The following NDUFAF2 variants were observed in gnomAD, a reference collection of about 807,000 sequenced individuals.
The protein encoded by NDUFAF2 is NADH:ubiquinone oxidoreductase complex assembly factor 2.
NDUFAF2 carries 13 observed loss-of-function variants against 22.8 expected under a neutral mutation model. The observed-to-expected ratio is 0.57, with a 90% CI of 0.37 to 0.91. The LOEUF is 0.91. NDUFAF2 is among the 40% of genes least tolerant of loss of function. NDUFAF2 has a pLI of 0.01. For missense variants in NDUFAF2, 162 were observed against 195.2 expected (o/e 0.83, Z 1.01); for synonymous variants, 53 against 64.2 (o/e 0.83, Z 0.84).
At chr5:61,026,254 G>T (rs1361103051) in intron 1 of NDUFAF2, among the ~76,000 whole-genome samples, 1 of 151,884 alleles carries the variant, frequency 6.6e-6, no homozygotes, top group African/African-American at 2.4e-5. Context: ...AGGGGAGGAG[G>T]GGGGAGAAAT....
chr5:61,027,215 G>C (rs1490656509), intron 1 of NDUFAF2, among the ~76,000 whole-genome samples: 1 of 151,078 alleles, frequency 6.6e-6, no homozygotes, highest in Non-Finnish European at 1.5e-5. Flanking sequence ...AATTATATTT[G>C]AGACCATCTA....
chr5:61,001,081 A>G (rs1050423883), intron 1 of NDUFAF2, among the ~76,000 whole-genome samples: 13 of 152,026 alleles, frequency 8.6e-5, no homozygotes, highest in African/African-American at 1.9e-4. Flanking sequence ...ATATGATACT[A>G]TTCCTGAAGG....
intron 1 of NDUFAF2, among the ~76,000 whole-genome samples, chr5:61,035,424 GTT>G (rs768889484): frequency 7.9e-4 from 32 of 40,522 alleles, no homozygotes; most frequent in South Asian, 2.0e-3. Context: ...CTCTTGCTCT[GTT>G]TTTTTTTTTT....
At chr5:61,095,615 T>G (rs1162001940) in intron 2 of NDUFAF2, among the ~76,000 whole-genome samples, 1 of 152,190 alleles carries the variant, frequency 6.6e-6, no homozygotes, top group East Asian at 1.9e-4. Context: ...GAGCTGCGCC[T>G]CTGTGCGTGC....
At chr5:61,121,535 G>A (rs1207266189) in intron 3 of NDUFAF2, among the ~76,000 whole-genome samples, 2 of 152,140 alleles carry the variant, frequency 1.3e-5, no homozygotes, top group Non-Finnish European at 2.9e-5. Context: ...TGTTTTGTTT[G>A]TGAAGTTGTG....
At chr5:61,044,394 G>C (rs1561549797) in intron 1 of NDUFAF2, among the ~76,000 whole-genome samples, 1 of 151,952 alleles carries the variant, frequency 6.6e-6, no homozygotes, top group African/African-American at 2.4e-5. Flanking sequence ...TTTATTTCCT[G>C]TGCTTTTGGT....
chr5:61,003,348 T>A lies in NDUFAF2; in HGVS notation c.127+57966T>A, dbSNP rs62367883. Among the ~76,000 whole-genome samples the A allele has an allele frequency of 2.6e-3, 400 of 152,264 alleles. 1 individual carries two copies. The highest frequency in any genetic ancestry group is 5.0e-3 in the Non-Finnish European group (337 of 68,004). On this transcript the variant is annotated intron_variant, in intron 1 of 3. Transcript: ENST00000296597. ...AGAATATTGTCTCAAGTTTTGTTGC[T>A]GAAATGGCAAAAATGTTTCTTTTTT...
chr5:61,078,868 A>C (rs1321272536), intron 2 of NDUFAF2, among the ~76,000 whole-genome samples: 1 of 152,194 alleles, frequency 6.6e-6, no homozygotes, highest in Admixed American at 6.5e-5. Flanking sequence ...CATTATTTGT[A>C]GTTCTTATGT....
chr5:61,093,053 T>A (rs931270610), intron 2 of NDUFAF2, among the ~76,000 whole-genome samples: 20 of 152,156 alleles, frequency 1.3e-4, no homozygotes, highest in Non-Finnish European at 2.5e-4. Flanking sequence ...TTCAAGAATC[T>A]AAAAACTGAA....
chr5:61,059,317 T>G (rs972549282), intron 1 of NDUFAF2, among the ~76,000 whole-genome samples: 1 of 152,128 alleles, frequency 6.6e-6, no homozygotes, highest in Non-Finnish European at 1.5e-5. Flanking sequence ...AATAAGAGTT[T>G]ATTGTCCTTG....
chr5:60,965,263 A>C (rs1750739594), intron 1 of NDUFAF2, among the ~76,000 whole-genome samples: 1 of 152,182 alleles, frequency 6.6e-6, no homozygotes, highest in African/African-American at 2.4e-5. Flanking sequence ...TAATTGACAA[A>C]AATTGTATAT....
At chr5:60,985,883 T>C (rs1318117186) in intron 1 of NDUFAF2, among the ~76,000 whole-genome samples, 1 of 152,104 alleles carries the variant, frequency 6.6e-6, no homozygotes, top group Non-Finnish European at 1.5e-5. Context: ...AGATGAGATT[T>C]GGGTGGGGAC....
intron 2 of NDUFAF2, chr5:61,083,173 T>C (rs1344418926): frequency 1.3e-5 from 2 of 152,042 alleles, no homozygotes; most frequent in Non-Finnish European, 2.9e-5. Flanking sequence ...GTATATCTTT[T>C]GAGAAGTGTT....
chr5:61,150,439 T>G (rs182899112), intron 3 of NDUFAF2, among the ~76,000 whole-genome samples: 10 of 152,188 alleles, frequency 6.6e-5, no homozygotes, highest in African/African-American at 2.2e-4. Context: ...ATAATTAATA[T>G]ATTCAGATTG....
chr5:61,069,148 ACT>A (rs911211471), intron 1 of NDUFAF2, among the ~76,000 whole-genome samples: 1 of 140,826 alleles, frequency 7.1e-6, no homozygotes, highest in Non-Finnish European at 1.5e-5. Flanking sequence ...TTTTTTCCTG[ACT>A]CTGGAAATCT....
chr5:61,082,473 A>G (rs1237347100), intron 2 of NDUFAF2, among the ~76,000 whole-genome samples: 1 of 152,058 alleles, frequency 6.6e-6, no homozygotes, highest in African/African-American at 2.4e-5. Flanking sequence ...TCTTACATGG[A>G]TATATTGCAT....
chr5:60,985,076 G>C (rs1173788158), intron 1 of NDUFAF2, among the ~76,000 whole-genome samples: 1 of 152,210 alleles, frequency 6.6e-6, no homozygotes, highest in African/African-American at 2.4e-5. Flanking sequence ...TTCAGAGCCT[G>C]TTATTGGTCT....
intron 1 of NDUFAF2, among the ~76,000 whole-genome samples, chr5:60,965,702 T>A (rs2112570026): frequency 6.6e-6 from 1 of 152,338 alleles, no homozygotes; most frequent in South Asian, 2.1e-4. Flanking sequence ...CAGATTTCCC[T>A]CTTTTTAAAT....
At chr5:61,064,718 G>A (rs1486149196) in intron 1 of NDUFAF2, among the ~76,000 whole-genome samples, 2 of 152,010 alleles carry the variant, frequency 1.3e-5, no homozygotes, top group African/African-American at 4.8e-5. Flanking sequence ...CAAAACATGG[G>A]ATGCAGCAAA....
Sources: allele counts gnomAD v4.1 joint callset (sites outside exome capture counted in the v4.1 genomes callset), GRCh38; gene constraint gnomAD v4.1.1; transcripts MANE v1.5; gene names NCBI Gene and HGNC (gene_info 2026-07-23, HGNC 2026-07-21).